The following L3HYPDH variants were observed in gnomAD, a reference collection of about 807,000 sequenced individuals.
L3HYPDH encodes the protein trans-3-hydroxy-L-proline dehydratase.
In L3HYPDH, 32 loss-of-function variants were observed where a neutral mutation model predicts 26.5. The observed-to-expected ratio is 1.21, with a 90% CI of 0.91 to 1.62. The LOEUF (loss-of-function observed/expected upper bound fraction) is 1.62, where lower values mean the gene tolerates loss of function less well. Ranked by LOEUF, L3HYPDH falls within the 40% of genes most tolerant of loss-of-function variation. The pLI, the probability that L3HYPDH is intolerant of heterozygous loss-of-function variation, is 0.00. For synonymous variants in L3HYPDH, 215 were observed against 196.6 expected (o/e 1.09, Z -0.78); for missense variants, 554 against 476.4 (o/e 1.16, Z -1.52).
At chr14:59,502,773 T>TTGTTTTTTTTTTTTTTTTTTTTTTTTG in the L3HYPDH span, among the ~76,000 whole-genome samples, 1 of 102,836 alleles carries the variant, frequency 9.7e-6, no homozygotes, top group African/African-American at 3.9e-5. Context: ...TTTTTTTTTT[T>TTGTTTTTTTTTTTTTTTTTTTTTTTTG]CGGAGTCTCA....
At chr14:59,486,251 C>T (rs1890557638), upstream of L3HYPDH, among the ~76,000 whole-genome samples, 1 of 152,054 alleles carries the variant, frequency 6.6e-6, no homozygotes, top group Admixed American at 6.5e-5. Flanking sequence ...TCTGCTTTTC[C>T]CATGTGAAAA....
chr14:59,487,849 A>G (rs1314110314), upstream of L3HYPDH: 8 of 1,606,862 alleles, frequency 5.0e-6, no homozygotes, highest in African/African-American at 1.3e-5. Flanking sequence ...TTCTATGAAC[A>G]TATCTGGCTG....
Position 59,479,287 on chromosome 14 carries a change from A to C in L3HYPDH, c.573T>G (p.Phe191Leu). 6.2e-7 allele frequency: 1 copy of C among 1,613,660 alleles called. No individual in the cohort carries two copies. The highest frequency in any genetic ancestry group is 1.1e-5 in the South Asian group (1 of 91,008). The change falls in exon 2 of 5, where the codon TTT (phenylalanine) becomes TTG (leucine). Residue 191 changes from phenylalanine to leucine, a missense_variant. Phe to Leu is a conservative substitution (Grantham distance 22, BLOSUM62 0). Transcript: ENST00000247194. ...ACTTTTCAGCAGTAACAAATGCATAAAATGCACCGCCATATGCAATGTCCA... is the reference window on the plus strand; with the variant it reads ...ACTTTTCAGCAGTAACAAATGCATACAATGCACCGCCATATGCAATGTCCA... Reference protein sequence around the residue: ...VMVDIAYGGAFYAFVTAEKLG... With the variant: ...VMVDIAYGGALYAFVTAEKLG...
chr14:59,492,265 TAGTC>T, the L3HYPDH span, among the ~76,000 whole-genome samples: 1 of 150,850 alleles, frequency 6.6e-6, no homozygotes, highest in Non-Finnish European at 1.5e-5. Flanking sequence ...AAAAAAAAGG[TAGTC>T]AGCAGATTAA....
intron 1 of L3HYPDH, among the ~76,000 whole-genome samples, chr14:59,479,791 G>A (rs561329226): frequency 2.1e-4 from 32 of 152,280 alleles, no homozygotes; most frequent in African/African-American, 7.7e-4. Flanking sequence ...CAGCCGTAAT[G>A]TCAAAACATA....
At chr14:59,467,809 C>A (rs1889231324), downstream of L3HYPDH, among the ~76,000 whole-genome samples, 1 of 152,152 alleles carries the variant, frequency 6.6e-6, no homozygotes, top group Admixed American at 6.5e-5. Context: ...TATGGTAGAA[C>A]CATCCTTCTA....
At chr14:59,475,557 T>C (rs1889569806) in intron 4 of L3HYPDH, among the ~76,000 whole-genome samples, 1 of 152,190 alleles carries the variant, frequency 6.6e-6, no homozygotes, top group African/African-American at 2.4e-5. Context: ...GGTTGGGTTA[T>C]CACATATCAC....
At chr14:59,504,253 C>T in the L3HYPDH span, 1 of 597,030 alleles carries the variant, frequency 1.7e-6, no homozygotes, top group African/African-American at 1.9e-5. Context: ...AAATGCAAAA[C>T]TCTGTAATAC....
chr14:59,476,033 T>A (rs1447717346), intron 3 of L3HYPDH, 27 bp from the exon 4 acceptor site: 1 of 1,613,678 alleles, frequency 6.2e-7, no homozygotes, highest in Admixed American at 1.7e-5. Flanking sequence ...GAAGACAGAA[T>A]GTTCATAGTG....
At chr14:59,469,537 CAG>C (rs1425254584), downstream of L3HYPDH, among the ~76,000 whole-genome samples, 1 of 117,154 alleles carries the variant, frequency 8.5e-6, no homozygotes, top group Non-Finnish European at 1.6e-5. Flanking sequence ...GCCCTGGCGA[CAG>C]AGTGAGACTC....
intron 1 of L3HYPDH, chr14:59,483,513 C>A: frequency 7.5e-7 from 1 of 1,337,980 alleles, no homozygotes; most frequent in Non-Finnish European, 9.6e-7. Flanking sequence ...CCGGTGAAAT[C>A]TCTAGGAATG....
At chr14:59,484,556 C>A (rs754261436), upstream of L3HYPDH, 8 of 1,567,958 alleles carry the variant, frequency 5.1e-6, no homozygotes, top group Non-Finnish European at 6.9e-6. Context: ...ATCCGCTGAT[C>A]TAGTGCTTCT....
chr14:59,484,628 G>A (rs1337718185), upstream of L3HYPDH: 1 of 1,574,446 alleles, frequency 6.4e-7, no homozygotes, highest in Non-Finnish European at 8.6e-7. Context: ...AAGCGTTTCT[G>A]GTAGTCCCGA....
chr14:59,472,834 A>AG lies in L3HYPDH; in HGVS notation c.*130dup, dbSNP rs1889360225. On this transcript the variant is annotated 3_prime_UTR_variant, in exon 5 of 5. Transcript: ENST00000247194. ...GTATAATGACTTTATATTTAGCCAC[A>AG]GGGTAGTATTTTACAAAGAATGAGA... 1 of 706,702 alleles carries AG rather than the reference A, an allele frequency of 1.4e-6. No individual in the cohort carries two copies. Among genetic ancestry groups the AG allele is most frequent in the African/African-American group, 1.9e-5 (1 of 53,066 alleles). The allele number at this position is 706,702 out of a possible 1,614,324, so 43.8% of individuals were successfully genotyped here. A position where few individuals can be genotyped will look rare whatever the true frequency, so the allele number is the denominator to read the frequency against.
At chr14:59,500,593 A>G in the L3HYPDH span, among the ~76,000 whole-genome samples, 2 of 152,186 alleles carry the variant, frequency 1.3e-5, no homozygotes, top group African/African-American at 2.4e-5. Flanking sequence ...TTTTCTAAAG[A>G]TTAATTAAAG....
chr14:59,493,287 C>T, the L3HYPDH span, among the ~76,000 whole-genome samples: 7 of 152,318 alleles, frequency 4.6e-5, 1 homozygote, highest in Admixed American at 1.3e-4. Context: ...AACCAAGGCA[C>T]ACCTGTTAAC....
intron 1 of L3HYPDH, 53 bp from the exon 2 acceptor site, chr14:59,479,404 G>A: frequency 4.1e-6 from 6 of 1,463,562 alleles, no homozygotes; most frequent in Non-Finnish European, 5.6e-6. Context: ...AAGTATTTTA[G>A]CAATAAAATT....
At position 59,483,802 on chromosome 14, in the gene L3HYPDH, C is replaced by T. The variant is rs1890248775; in HGVS notation, c.508+7G>A. 2.5e-6 allele frequency: 4 copies of T among 1,592,158 alleles called. No individual in the cohort carries two copies. Among genetic ancestry groups the T allele is most frequent in the Non-Finnish European group, 2.5e-6 (3 of 1,176,692 alleles). Reference sequence around the variant, plus strand: ...CTGCCCTGGGCTGGAAAGGTCCCGCCCATTACCTGTGGCCAGCACGAAGGC... The same window carrying T: ...CTGCCCTGGGCTGGAAAGGTCCCGCTCATTACCTGTGGCCAGCACGAAGGC... On this transcript the variant is annotated splice_region_variant and intron_variant, in intron 1 of 4. Transcript: ENST00000247194.
upstream of L3HYPDH, among the ~76,000 whole-genome samples, chr14:59,486,437 C>T (rs1369274661): frequency 1.3e-5 from 2 of 152,034 alleles, no homozygotes; most frequent in South Asian, 2.1e-4. Flanking sequence ...CTAATCATAC[C>T]GGGTTAGGCT....
Sources: allele counts gnomAD v4.1 joint callset (sites outside exome capture counted in the v4.1 genomes callset), GRCh38; gene constraint gnomAD v4.1.1; transcripts MANE v1.5; gene names NCBI Gene and HGNC (gene_info 2026-07-23, HGNC 2026-07-21).